KIF26B: variants seen among roughly 807,000 people sequenced by gnomAD.
KIF26B encodes kinesin-like protein KIF26B.
In KIF26B, 63 loss-of-function variants were observed where a neutral mutation model predicts 151.2. That is an observed-to-expected ratio of 0.42 (90% CI 0.34 to 0.51). The LOEUF is 0.51. Ranked by LOEUF, KIF26B falls within the 20% of genes least tolerant of loss-of-function variation. KIF26B has a pLI of 0.07. For synonymous variants in KIF26B, 1,357 were observed against 1,262.1 expected (o/e 1.08, Z -1.59); for missense variants, 2,813 against 2,913.6 (o/e 0.97, Z 0.79).
At chr1:245,433,850 C>T (rs1335955821) in intron 4 of KIF26B, among the ~76,000 whole-genome samples, 2 of 152,054 alleles carry the variant, frequency 1.3e-5, no homozygotes, top group African/African-American at 4.8e-5. Context: ...AAAACCAAAG[C>T]CTTAAGAGTC....
chr1:245,229,247 C>T (rs1380394467), intron 2 of KIF26B, among the ~76,000 whole-genome samples: 1 of 152,060 alleles, frequency 6.6e-6, no homozygotes, highest in Non-Finnish European at 1.5e-5. Flanking sequence ...GCTGGGATTA[C>T]AAGCGTGAGC....
intron 10 of KIF26B, among the ~76,000 whole-genome samples, chr1:245,657,020 T>C (rs1184628353): frequency 6.6e-6 from 1 of 152,238 alleles, no homozygotes; most frequent in Non-Finnish European, 1.5e-5. Flanking sequence ...GTTTGAGGAA[T>C]AGTCGGCTTT....
chr1:245,626,402 G>GT (rs34420692), intron 9 of KIF26B, among the ~76,000 whole-genome samples: 47,366 of 148,614 alleles, frequency 0.32, 7,953 homozygotes, highest in East Asian at 0.39. Context: ...TTCATGGTGG[G>GT]TTTTTTTTTT....
At position 245,688,320 on chromosome 1, in the gene KIF26B, C is replaced by T; in HGVS notation, c.5337C>T (p.His1779=). Reference sequence around the variant, plus strand: ...CCAGCTCGCCCCCCGGTGGGAAGCACACGCCCTGGTCCACGCAGTCCCTCA... The same window carrying T: ...CCAGCTCGCCCCCCGGTGGGAAGCATACGCCCTGGTCCACGCAGTCCCTCA... ...QGSSSPPGGK[H]TPWSTQSLSR... is the part of the protein sequence containing the mutation. The change falls in exon 12 of 15, where the codon CAC becomes CAT. Residue 1779 remains histidine, a synonymous_variant. Transcript: ENST00000407071. 6.3e-7 allele frequency: 1 copy of T among 1,594,344 alleles called. No homozygotes were observed. The highest frequency in any genetic ancestry group is 8.5e-7 in the Non-Finnish European group (1 of 1,177,818).
chr1:245,432,115 G>A (rs186106858), intron 4 of KIF26B, among the ~76,000 whole-genome samples: 1 of 151,952 alleles, frequency 6.6e-6, no homozygotes, highest in Non-Finnish European at 1.5e-5. Flanking sequence ...AATCCCACCT[G>A]TGCACCCCTC....
At chr1:245,410,144 C>A (rs1674240699) in intron 3 of KIF26B, among the ~76,000 whole-genome samples, 1 of 152,218 alleles carries the variant, frequency 6.6e-6, no homozygotes, top group Admixed American at 6.5e-5. Context: ...TCTCCTCCCT[C>A]TTCTCCGAGC....
At chr1:245,443,050 GTGGTCATCTCCCTCACTGTTCACCTA>G (rs1659152512) in intron 4 of KIF26B, among the ~76,000 whole-genome samples, 1 of 87,342 alleles carries the variant, frequency 1.1e-5, no homozygotes, top group Non-Finnish European at 2.3e-5. Flanking sequence ...TTCACCTAGA[GTGGTCATCTCCCTCACTGTTCACCTA>G]GAGCGGTCAT....
At chr1:245,270,183 C>G (rs1670826539) in intron 2 of KIF26B, among the ~76,000 whole-genome samples, 1 of 114,350 alleles carries the variant, frequency 8.7e-6, no homozygotes, top group Non-Finnish European at 1.8e-5. Context: ...TCTTCCCTTC[C>G]ATTCCTTCTT....
rs548422038 is a variant in KIF26B at position 245,527,524 on chromosome 1, C to CTTTTTTTTTTTTTTTTTTTTTTTTTTTT, written c.1167-13216_1167-13215insTTTTTTTTTTTTTTTTTTTTTTTTTTTT. Among the ~76,000 whole-genome samples the CTTTTTTTTTTTTTTTTTTTTTTTTTTTT allele has an allele frequency of 2.6e-4, 13 of 50,722 alleles. 5 individuals are homozygous for CTTTTTTTTTTTTTTTTTTTTTTTTTTTT. Among genetic ancestry groups the CTTTTTTTTTTTTTTTTTTTTTTTTTTTT allele is most frequent in the African/African-American group, 6.9e-4 (7 of 10,212 alleles). The allele number at this position is 50,722 out of a possible 152,430, so 33.3% of individuals were successfully genotyped here. A position where few individuals can be genotyped will look rare whatever the true frequency, so the allele number is the denominator to read the frequency against. Reference sequence around the variant, plus strand: ...TCATTTATATCTGGCTTTGGGATGGCTTTTTTTTTTTTTTTTTTTTTTTTT... The same window carrying CTTTTTTTTTTTTTTTTTTTTTTTTTTTT: ...TCATTTATATCTGGCTTTGGGATGGCTTTTTTTTTTTTTTTTTTTTTTTTTTTTTTTTTTTTTTTTTTTTTTTTTTTTT... On this transcript the variant is annotated intron_variant, in intron 4 of 14. Transcript: ENST00000407071.
chr1:245,484,713 C>CTTT (rs386370316), intron 4 of KIF26B, among the ~76,000 whole-genome samples: 1 of 150,048 alleles, frequency 6.7e-6, no homozygotes, highest in East Asian at 1.9e-4. Context: ...TCTCCTTCTT[C>CTTT]TTTCTTCTTT....
intron 2 of KIF26B, among the ~76,000 whole-genome samples, chr1:245,197,041 C>T (rs574195817): frequency 7.2e-5 from 11 of 152,264 alleles, no homozygotes; most frequent in South Asian, 6.2e-4. Context: ...TTGGCAAGTG[C>T]GTCGAGCCAC....
At chr1:245,574,396 G>A (rs577644392) in intron 5 of KIF26B, among the ~76,000 whole-genome samples, 7 of 152,184 alleles carry the variant, frequency 4.6e-5, no homozygotes, top group East Asian at 1.9e-4. Context: ...TGCCCGCCTC[G>A]ACCTCCCAAA....
chr1:245,692,553 G>A (rs538064601), intron 12 of KIF26B, among the ~76,000 whole-genome samples: 46 of 152,170 alleles, frequency 3.0e-4, no homozygotes, highest in African/African-American at 8.2e-4. Context: ...GCGACACAGC[G>A]AGATTAACTC....
chr1:245,508,944 C>G (rs1036903604), intron 4 of KIF26B, among the ~76,000 whole-genome samples: 2 of 152,124 alleles, frequency 1.3e-5, no homozygotes, highest in East Asian at 3.8e-4. Flanking sequence ...AGACTAAATC[C>G]TATTAAAGAA....
At chr1:245,607,625 C>T (rs1439368352) in intron 6 of KIF26B, 26 bp from the exon 7 acceptor site, 6 of 1,580,294 alleles carry the variant, frequency 3.8e-6, no homozygotes, top group African/African-American at 1.3e-5. Flanking sequence ...CCATTCACGG[C>T]TCGTGTCTCC....
In KIF26B at chr1:245,419,635, C is replaced by A. The variant is rs1438303990; in HGVS notation, c.1056C>A (p.Asn352Lys). 6.2e-7 allele frequency: 1 copy of A among 1,613,814 alleles called. No individual in the cohort carries two copies. The highest frequency in any genetic ancestry group is 1.3e-5 in the African/African-American group (1 of 74,920). ...AGGGACTAACAGAAGCAGTGCTGAA[C>A]CGCTACAATGCAGACAAGCCTTCCG... ...SREGLTEAVL[N>K]RYNADKPSAC... The change falls in exon 4 of 15, where the codon AAC becomes AAA. Residue 352 changes from asparagine (N) to lysine (K), a missense_variant. Coordinates refer to ENST00000407071, the MANE Select transcript of KIF26B (RefSeq NM_018012.4).
intron 5 of KIF26B, among the ~76,000 whole-genome samples, chr1:245,565,750 C>A (rs1206628193): frequency 6.6e-6 from 1 of 152,168 alleles, no homozygotes; most frequent in Admixed American, 6.5e-5. Context: ...TGTGGCCTTA[C>A]TTTGAAGATA....
chr1:245,428,055 T>C (rs1172151109), intron 4 of KIF26B, among the ~76,000 whole-genome samples: 1 of 152,172 alleles, frequency 6.6e-6, no homozygotes, highest in Non-Finnish European at 1.5e-5. Context: ...TCTGGGCTCA[T>C]GTTGTCCTGG....
At chr1:245,690,739 C>CGGCG (rs2044613087) in intron 12 of KIF26B, among the ~76,000 whole-genome samples, 4 of 146,648 alleles carry the variant, frequency 2.7e-5, no homozygotes, top group African/African-American at 1.0e-4. Flanking sequence ...CTTTATTTGC[C>CGGCG]TGGGGGGGGG....
Sources: gnomAD v4.1 joint callset for allele counts (sites outside exome capture counted in the v4.1 genomes callset) on GRCh38, gnomAD v4.1.1 for gene constraint, MANE v1.5 for transcripts, NCBI Gene and HGNC (gene_info 2026-07-23, HGNC 2026-07-21) for gene names.